The following ELFN2 variants were observed in gnomAD, a reference collection of about 807,000 sequenced individuals.
ELFN2 encodes the protein extracellular leucine rich repeat and fibronectin type III domain containing 2.
ELFN2 carries 17 observed loss-of-function variants against 45.5 expected under a neutral mutation model. That is an observed-to-expected ratio of 0.37 (90% CI 0.26 to 0.56). The LOEUF (loss-of-function observed/expected upper bound fraction) is 0.56. Ranked by LOEUF, ELFN2 falls within the 20% of genes least tolerant of loss-of-function variation. ELFN2 has a pLI of 0.77. For synonymous variants in ELFN2, 550 were observed against 551.5 expected (o/e 1.00, Z 0.04); for missense variants, 922 against 1,183.2 (o/e 0.78, Z 3.24).
chr22:37,425,347 G>C (rs1477829899), intron 1 of ELFN2, among the ~76,000 whole-genome samples: 2 of 152,158 alleles, frequency 1.3e-5, no homozygotes, highest in South Asian at 2.1e-4. Context: ...GCACTCTTCA[G>C]GGGGCAGGAC....
At chr22:37,424,318 T>TACA (rs1932832153) in intron 1 of ELFN2, among the ~76,000 whole-genome samples, 2 of 151,812 alleles carry the variant, frequency 1.3e-5, no homozygotes, top group African/African-American at 2.4e-5. Context: ...GCGGCAGGGG[T>TACA]GTCACTGGAA....
chr22:37,391,273 G>A (rs57090044), intron 2 of ELFN2, among the ~76,000 whole-genome samples: 2,400 of 152,196 alleles, frequency 0.016, 64 homozygotes, highest in African/African-American at 0.055. Flanking sequence ...CTTCTGCCTG[G>A]ACCACAGCCT....
chr22:37,388,499 A>G (rs1327828207), intron 2 of ELFN2, among the ~76,000 whole-genome samples: 1 of 152,240 alleles, frequency 6.6e-6, no homozygotes, highest in African/African-American at 2.4e-5. Context: ...CGAGGCTCCA[A>G]GTAATTCATG....
At chr22:37,366,422 T>C (rs1195366912), downstream of ELFN2, among the ~76,000 whole-genome samples, 3 of 152,230 alleles carry the variant, frequency 2.0e-5, no homozygotes, top group Non-Finnish European at 2.9e-5. Flanking sequence ...CAGAGGCAGC[T>C]GAGGGGAAGG....
At chr22:37,355,470 C>T (rs1032360375) in intron 1 of ELFN2, among the ~76,000 whole-genome samples, 2 of 152,312 alleles carry the variant, frequency 1.3e-5, no homozygotes, top group Admixed American at 1.3e-4. Flanking sequence ...GAGCACCTGC[C>T]GTGGTGGCGA....
chr22:37,394,427 C>T (rs1254666812), intron 2 of ELFN2, among the ~76,000 whole-genome samples: 1 of 152,186 alleles, frequency 6.6e-6, no homozygotes, highest in Non-Finnish European at 1.5e-5. Context: ...AGACGTCCTC[C>T]TGAAGGTCAA....
At chr22:37,397,108 C>T (rs745959371) in intron 2 of ELFN2, among the ~76,000 whole-genome samples, 1 of 152,104 alleles carries the variant, frequency 6.6e-6, no homozygotes, top group Non-Finnish European at 1.5e-5. Flanking sequence ...CGGGCATCAC[C>T]GCCTCCAGGA....
At chr22:37,360,152 C>T (rs1008385319) in intron 1 of ELFN2, among the ~76,000 whole-genome samples, 1 of 151,690 alleles carries the variant, frequency 6.6e-6, no homozygotes, top group African/African-American at 2.4e-5. Context: ...AGAGTTGAGT[C>T]TCCGTCTCCC....
intron 2 of ELFN2, among the ~76,000 whole-genome samples, chr22:37,412,277 C>CAAAAAAAAAAAAA (rs56073200): frequency 2.2e-5 from 2 of 92,302 alleles, no homozygotes; most frequent in African/African-American, 8.8e-5. Context: ...AACTCCGTCT[C>CAAAAAAAAAAAAA]AAAAAAAAAA....
chr22:37,382,703 C>T (rs575601706), intron 2 of ELFN2, among the ~76,000 whole-genome samples: 15 of 152,020 alleles, frequency 9.9e-5, no homozygotes, highest in Non-Finnish European at 2.1e-4. Context: ...GCGCATGCCA[C>T]GACGCCCAGC....
At chr22:37,387,300 G>A (rs192069594) in intron 2 of ELFN2, among the ~76,000 whole-genome samples, 1 of 152,166 alleles carries the variant, frequency 6.6e-6, no homozygotes, top group African/African-American at 2.4e-5. Context: ...TATAATTAAC[G>A]AATTATCTCA....
At chr22:37,384,167 T>C (rs1277282992) in intron 2 of ELFN2, among the ~76,000 whole-genome samples, 1 of 151,702 alleles carries the variant, frequency 6.6e-6, no homozygotes, top group Non-Finnish European at 1.5e-5. Context: ...GGGTGGAAGG[T>C]TTTACCAAAG....
intron 2 of ELFN2, among the ~76,000 whole-genome samples, chr22:37,395,663 G>A (rs1234949513): frequency 2.0e-5 from 3 of 152,182 alleles, no homozygotes; most frequent in African/African-American, 7.2e-5. Flanking sequence ...CCCACGGGGG[G>A]CAGGGGATGT....
chr22:37,423,823 T>C (rs560195797), intron 1 of ELFN2, among the ~76,000 whole-genome samples: 1 of 152,226 alleles, frequency 6.6e-6, no homozygotes, highest in Non-Finnish European at 1.5e-5. Context: ...CTGGGGACTG[T>C]CGGCAGAGCT....
rs1930631415 is a variant in ELFN2 at position 37,344,082 on chromosome 22, C to T, written n.149-1379G>A. Reference sequence around the variant, plus strand: ...CCATGCCCCCACCCATGCCCCCTGCCCAACCCCACCTGCCCATGGCCCCCT... The same window carrying T: ...CCATGCCCCCACCCATGCCCCCTGCTCAACCCCACCTGCCCATGGCCCCCT... On this transcript the variant is annotated intron_variant and non_coding_transcript_variant, in intron 1 of 2. Coordinates refer to ENST00000452946, the Ensembl canonical transcript of ELFN2. 2.6e-5 allele frequency among the ~76,000 whole-genome samples: 3 copies of T among 114,384 alleles called. No individual in the cohort carries two copies. The South Asian group carries it at 9.4e-4, about 36-fold the overall frequency. The allele number at this position is 114,384 out of a possible 152,430, so 75.0% of individuals were successfully genotyped here. A position where few individuals can be genotyped will look rare whatever the true frequency, so the allele number is the denominator to read the frequency against.
chr22:37,413,612 TG>T lies in ELFN2; in HGVS notation c.-463+4156del, dbSNP rs145402202. Among the ~76,000 whole-genome samples the T allele has an allele frequency of 6.3e-3, 950 of 150,304 alleles. 9 individuals carry two copies. Among genetic ancestry groups the T allele is most frequent in the African/African-American group, 0.022 (911 of 40,912 alleles). ...TCCCACAGCCCATTAATGGCAACAC[TG>T]GGGAGGAGGCCTCAGAGCTAAGCCT... On this transcript the variant is annotated intron_variant, in intron 2 of 2. Transcript: ENST00000402918.
At chr22:37,423,560 G>T (rs1932826376) in intron 1 of ELFN2, among the ~76,000 whole-genome samples, 2 of 152,284 alleles carry the variant, frequency 1.3e-5, no homozygotes, top group Non-Finnish European at 2.9e-5. Context: ...TCAAAATGAG[G>T]AATAATAATA....
Position 37,373,616 on chromosome 22 carries a change from G to A in ELFN2, c.1919C>T (p.Ala640Val), listed in dbSNP as rs1931455679. Residue 640 changes from alanine (A) to valine (V), a missense_variant, in exon 3 of 3, where the codon GCC (alanine) becomes GTC (valine). Around this residue, in one of 2 missense-constraint regions of ELFN2, gnomAD observed 564 missense variants for 642.8 expected, o/e 0.88. Transcript: ENST00000402918. Reference sequence around the variant, plus strand: ...GGGCACGTCCAGGCTAAAGACCTTGGCGCTCTTGATGGAACCACTGGACGA... The same window carrying A: ...GGGCACGTCCAGGCTAAAGACCTTGACGCTCTTGATGGAACCACTGGACGA... ...SVSSSGSIKS[A>V]KVFSLDVPDH... 1.9e-6 allele frequency: 3 copies of A among 1,603,848 alleles called. No homozygotes were observed. Among genetic ancestry groups the A allele is most frequent in the Non-Finnish European group, 2.5e-6 (3 of 1,176,682 alleles).
At chr22:37,352,030 T>C (rs944958547) in intron 1 of ELFN2, among the ~76,000 whole-genome samples, 1 of 150,630 alleles carries the variant, frequency 6.6e-6, no homozygotes, top group Non-Finnish European at 1.5e-5. Flanking sequence ...ACCTACGTCC[T>C]GGCCACCAGC....
Sources: gnomAD v4.1 joint callset for allele counts (sites outside exome capture counted in the v4.1 genomes callset) on GRCh38, gnomAD v4.1.1 for gene constraint, gnomAD v4.1.1 regional missense constraint, MANE v1.5 for transcripts, NCBI Gene and HGNC (gene_info 2026-07-23, HGNC 2026-07-21) for gene names.